The following TBC1D19 variants were observed in gnomAD, a reference collection of about 807,000 sequenced individuals.
TBC1D19 encodes TBC1 domain family, member 19.
A neutral mutation model predicts 89.0 loss-of-function variants in TBC1D19; 60 were observed. The observed-to-expected ratio is 0.67, with a 90% CI of 0.55 to 0.84. TBC1D19 has a LOEUF of 0.84. TBC1D19 is among the 40% of genes least tolerant of loss of function. The pLI is 0.00. For synonymous variants in TBC1D19, 189 were observed against 199.7 expected (o/e 0.95, Z 0.45); for missense variants, 500 against 610.8 (o/e 0.82, Z 1.91).
intron 7 of TBC1D19, among the ~76,000 whole-genome samples, chr4:26,644,144 C>T (rs938904165): frequency 6.6e-6 from 1 of 152,022 alleles, no homozygotes; most frequent in African/African-American, 2.4e-5. Flanking sequence ...TAGACCAATA[C>T]CCCGATGAAC....
At chr4:26,666,443 T>A (rs1264226333) in intron 9 of TBC1D19, 38 bp downstream of exon 9, 1 of 1,552,580 alleles carries the variant, frequency 6.4e-7, no homozygotes. Context: ...TAATGATAAA[T>A]GAGAGTGAGC....
chr4:26,840,183 G>A, the TBC1D19 span, among the ~76,000 whole-genome samples: 1 of 152,228 alleles, frequency 6.6e-6, no homozygotes, highest in Non-Finnish European at 1.5e-5. Flanking sequence ...CTGGGTTCAA[G>A]TGATTCTCCT....
At chr4:26,751,129 T>C (rs1028319450) in intron 19 of TBC1D19, among the ~76,000 whole-genome samples, 2 of 152,152 alleles carry the variant, frequency 1.3e-5, no homozygotes, top group Non-Finnish European at 2.9e-5. Context: ...AACAAACCTG[T>C]TCTGTGGAAG....
intron 1 of TBC1D19, among the ~76,000 whole-genome samples, chr4:26,606,262 G>C (rs2069042991): frequency 6.6e-6 from 1 of 152,202 alleles, no homozygotes; most frequent in African/African-American, 2.4e-5. Context: ...CTACAACAGT[G>C]GAGAACAAGT....
chr4:26,680,370 C>A (rs1396844388), intron 11 of TBC1D19, among the ~76,000 whole-genome samples: 2 of 152,036 alleles, frequency 1.3e-5, no homozygotes, highest in African/African-American at 2.4e-5. Flanking sequence ...TAAAAAAAAT[C>A]TTTTTTTCTG....
chr4:26,788,655 A>G, the TBC1D19 span, among the ~76,000 whole-genome samples: 279 of 152,332 alleles, frequency 1.8e-3, 6 homozygotes, highest in Non-Finnish European at 1.6e-3. Flanking sequence ...CTGCTGTGAC[A>G]TTCTGAACAT....
At chr4:26,783,030 G>A in the TBC1D19 span, among the ~76,000 whole-genome samples, 1 of 152,192 alleles carries the variant, frequency 6.6e-6, no homozygotes, top group African/African-American at 2.4e-5. Context: ...ACAATCCACA[G>A]TTGGAGTCCA....
At chr4:26,788,696 G>A in the TBC1D19 span, among the ~76,000 whole-genome samples, 1 of 152,166 alleles carries the variant, frequency 6.6e-6, no homozygotes, top group Admixed American at 6.5e-5. Flanking sequence ...AATGTGTCAA[G>A]AAGGACCACT....
chr4:26,716,736 C>T (rs1716640916), intron 13 of TBC1D19, among the ~76,000 whole-genome samples: 1 of 152,046 alleles, frequency 6.6e-6, no homozygotes, highest in Non-Finnish European at 1.5e-5. Context: ...GGATATACCT[C>T]AAATTATTAA....
At position 26,620,552 on chromosome 4, in the gene TBC1D19, G is replaced by T. The variant is rs545941175; in HGVS notation, c.219-61G>T. On this transcript the variant is annotated intron_variant, in intron 3 of 20. Transcript: ENST00000264866. ...ACAGTTTATAACATGGACTACAGAG[G>T]TAAGTAATATCTAACCAAGAGAATA... 1.4e-5 allele frequency: 19 copies of T among 1,373,054 alleles called. No individual in the cohort carries two copies. The East Asian group carries it at 4.4e-4, about 31-fold the overall frequency. 85.1% of individuals were successfully genotyped at this position (1,373,054 alleles called of 1,614,324 possible).
the TBC1D19 span, among the ~76,000 whole-genome samples, chr4:26,808,911 G>A: frequency 6.6e-6 from 1 of 152,168 alleles, no homozygotes; most frequent in African/African-American, 2.4e-5. Context: ...AAGACATGAT[G>A]TAAGAAAGAG....
At chr4:26,846,322 G>T in the TBC1D19 span, among the ~76,000 whole-genome samples, 1 of 152,006 alleles carries the variant, frequency 6.6e-6, no homozygotes, top group East Asian at 1.9e-4. Flanking sequence ...TTTAAACCTT[G>T]TTAATAGGAG....
intron 13 of TBC1D19, among the ~76,000 whole-genome samples, chr4:26,711,632 T>G (rs952589179): frequency 6.6e-6 from 1 of 152,104 alleles, no homozygotes; most frequent in Non-Finnish European, 1.5e-5. Context: ...ATTCAGTTTC[T>G]TATAACTCTT....
At chr4:26,662,666 GTA>G (rs1745287567) in intron 8 of TBC1D19, among the ~76,000 whole-genome samples, 1 of 152,146 alleles carries the variant, frequency 6.6e-6, no homozygotes, top group African/African-American at 2.4e-5. Context: ...GAAAAGCAGA[GTA>G]TATACAGTGT....
chr4:26,759,773 A>G (rs538544506), downstream of TBC1D19, among the ~76,000 whole-genome samples: 1 of 152,172 alleles, frequency 6.6e-6, no homozygotes, highest in Non-Finnish European at 1.5e-5. Flanking sequence ...AGATTCATCC[A>G]TATTATGTGA....
chr4:26,626,126 A>G (rs1742383592), intron 4 of TBC1D19, among the ~76,000 whole-genome samples: 1 of 152,122 alleles, frequency 6.6e-6, no homozygotes, highest in African/African-American at 2.4e-5. Context: ...GTATGGACTC[A>G]TGGATATTCA....
At chr4:26,614,027 C>T (rs1741529578) in intron 2 of TBC1D19, among the ~76,000 whole-genome samples, 2 of 152,156 alleles carry the variant, frequency 1.3e-5, no homozygotes, top group Admixed American at 6.5e-5. Context: ...TACTTGTCAT[C>T]TATCTTCAGG....
the TBC1D19 span, among the ~76,000 whole-genome samples, chr4:26,856,326 T>C: frequency 2.0e-4 from 30 of 152,372 alleles, no homozygotes; most frequent in East Asian, 5.0e-3. Flanking sequence ...TAAGGCTCTA[T>C]AGTATTCCAC....
the TBC1D19 span, among the ~76,000 whole-genome samples, chr4:26,835,673 T>G: frequency 6.6e-6 from 1 of 152,156 alleles, no homozygotes; most frequent in Non-Finnish European, 1.5e-5. Flanking sequence ...TATTCTTGAT[T>G]TCTCTGGCAC....
Sources: gnomAD v4.1 joint callset for allele counts (sites outside exome capture counted in the v4.1 genomes callset) on GRCh38, gnomAD v4.1.1 for gene constraint, MANE v1.5 for transcripts, NCBI Gene and HGNC (gene_info 2026-07-23, HGNC 2026-07-21) for gene names.